The following FGF13 variants were observed in gnomAD, a reference collection of about 807,000 sequenced individuals.
FGF13 encodes fibroblast growth factor homologous factor 2.
FGF13 carries 2 observed loss-of-function variants against 19.5 expected under a neutral mutation model. The ratio of observed to expected loss-of-function variants is 0.10; its 90% confidence interval spans 0.04 to 0.32. The LOEUF (loss-of-function observed/expected upper bound fraction) is 0.32, where lower values mean the gene tolerates loss of function less well. Ranked by LOEUF, FGF13 falls within the 10% of genes least tolerant of loss-of-function variation. The pLI, the probability that FGF13 is intolerant of heterozygous loss-of-function variation, is 1.00. For missense variants in FGF13, 113 were observed against 192.7 expected (o/e 0.59, Z 2.45); for synonymous variants, 72 against 76.9 (o/e 0.94, Z 0.33).
At chrX:138,792,467 C>T (rs2090749478) in intron 3 of FGF13, among the ~76,000 whole-genome samples, 1 of 111,500 alleles carries the variant, frequency 9.0e-6, no homozygotes, top group East Asian at 2.8e-4. Context: ...CCAAAGTGAT[C>T]TCATTTCTAT....
chrX:138,904,242 T>C (rs1027780483), intron 1 of FGF13, among the ~76,000 whole-genome samples: 15 of 111,513 alleles, frequency 1.3e-4, no homozygotes, highest in Admixed American at 7.6e-4. Flanking sequence ...AAATAAGATT[T>C]CAAAGAAGCA....
At chrX:138,844,618 T>C (rs1046146013) in intron 3 of FGF13, among the ~76,000 whole-genome samples, 1 of 112,336 alleles carries the variant, frequency 8.9e-6, no homozygotes, top group Non-Finnish European at 1.9e-5. Context: ...TCAGCTCTAC[T>C]GATCCATTCC....
intron 1 of FGF13, among the ~76,000 whole-genome samples, chrX:139,119,479 C>T (rs762945325): frequency 5.4e-5 from 6 of 111,753 alleles, no homozygotes; most frequent in East Asian, 2.8e-4. Context: ...AGAGGCACAG[C>T]GAAGTGACAT....
intron 1 of FGF13, among the ~76,000 whole-genome samples, chrX:138,981,004 C>T (rs966870595): frequency 9.0e-5 from 10 of 110,965 alleles, no homozygotes; most frequent in African/African-American, 3.0e-4. Context: ...CAGTCCCTGC[C>T]CTCTACAAGC....
At chrX:138,874,155 A>AATATAT (rs746792067) in intron 1 of FGF13, among the ~76,000 whole-genome samples, 39 of 98,149 alleles carry the variant, frequency 4.0e-4, no homozygotes, top group African/African-American at 1.4e-3. Flanking sequence ...AAGTATAATA[A>AATATAT]ATATATATAT....
At chrX:138,945,139 T>C (rs1434343652) in intron 1 of FGF13, among the ~76,000 whole-genome samples, 1 of 110,801 alleles carries the variant, frequency 9.0e-6, no homozygotes, top group African/African-American at 3.3e-5. Context: ...AGGTAGATAC[T>C]ATAATTAGAA....
intron 1 of FGF13, among the ~76,000 whole-genome samples, chrX:139,086,627 AC>A (rs2083405377): frequency 8.9e-6 from 1 of 112,604 alleles, no homozygotes; most frequent in Non-Finnish European, 1.9e-5. Flanking sequence ...TCATTAACAC[AC>A]TACATGCTTA....
chrX:138,813,955 T>C (rs1368045306), intron 3 of FGF13, among the ~76,000 whole-genome samples: 3 of 110,935 alleles, frequency 2.7e-5, no homozygotes, highest in Non-Finnish European at 3.8e-5. Context: ...TGGAGAAAAT[T>C]TGTTCTTCTC....
intron 1 of FGF13, among the ~76,000 whole-genome samples, chrX:139,039,486 A>G (rs1369238281): frequency 1.8e-5 from 2 of 112,033 alleles, no homozygotes. Context: ...TCTTGGGAAC[A>G]ACAGCATGCT....
At chrX:139,188,973 A>T (rs2084302337) in intron 1 of FGF13, among the ~76,000 whole-genome samples, 1 of 110,710 alleles carries the variant, frequency 9.0e-6, no homozygotes, top group Admixed American at 9.7e-5. Flanking sequence ...ATAGTGGGGG[A>T]CACATATAAA....
intron 1 of FGF13, among the ~76,000 whole-genome samples, chrX:139,047,729 G>C (rs779893231): frequency 8.9e-6 from 1 of 111,827 alleles, no homozygotes; most frequent in Admixed American, 9.5e-5. Context: ...ACTTTTCATA[G>C]TACCTAGCAT....
At chrX:139,003,829 G>C (rs1269225312) in intron 1 of FGF13, among the ~76,000 whole-genome samples, 2 of 111,513 alleles carry the variant, frequency 1.8e-5, no homozygotes, top group African/African-American at 6.5e-5. Flanking sequence ...AGAGCAGCTA[G>C]ATACAGAATG....
In FGF13 at chrX:139,159,019, A is replaced by G. The variant is rs758486837; in HGVS notation, c.-113+44397T>C. Among the ~76,000 whole-genome samples, 41 of 111,649 alleles carry G rather than the reference A, an allele frequency of 3.7e-4. 1 individual carries two copies. The South Asian group carries it at 0.016, about 43-fold the overall frequency. ...CTCGAGAAGAGCAACCCCAAGACACATAATCATCAGATTCACTAAGGTTGA... is the reference window on the plus strand; with the variant it reads ...CTCGAGAAGAGCAACCCCAAGACACGTAATCATCAGATTCACTAAGGTTGA... On this transcript the variant is annotated intron_variant, in intron 1 of 2. Transcript: ENST00000421460.
intron 3 of FGF13, among the ~76,000 whole-genome samples, chrX:138,850,179 T>C: frequency 9.0e-6 from 1 of 111,723 alleles, no homozygotes; most frequent in Middle Eastern, 4.6e-3. Flanking sequence ...GCCTCCAGCC[T>C]AGAGACTGAA....
chrX:138,894,025 A>G (rs1051960721), intron 1 of FGF13, among the ~76,000 whole-genome samples: 60 of 112,049 alleles, frequency 5.4e-4, no homozygotes, highest in Admixed American at 3.8e-4. Context: ...CTACATAGAA[A>G]AGACATATTT....
chrX:138,712,104 C>G (rs1468863615), upstream of FGF13: 2 of 110,369 alleles, frequency 1.8e-5, no homozygotes, highest in Non-Finnish European at 3.8e-5. Flanking sequence ...GGCTTGGACG[C>G]ACCAACAACC....
chrX:138,680,340 A>C (rs1239208011), intron 3 of FGF13, among the ~76,000 whole-genome samples: 2 of 112,090 alleles, frequency 1.8e-5, no homozygotes, highest in Non-Finnish European at 3.8e-5. Context: ...TCAGGTTTTC[A>C]ATTTGCTTTG....
chrX:139,053,670 CA>C (rs1456764243), intron 1 of FGF13, among the ~76,000 whole-genome samples: 2 of 111,529 alleles, frequency 1.8e-5, no homozygotes, highest in African/African-American at 6.5e-5. Context: ...GTCCGATGTA[CA>C]GATTGTGAAG....
chrX:138,964,494 T>A (rs1313654990), intron 1 of FGF13, among the ~76,000 whole-genome samples: 1 of 111,907 alleles, frequency 8.9e-6, no homozygotes. Context: ...TATTTATCCT[T>A]TCTTCTTCCA....
Sources: allele counts gnomAD v4.1 joint callset (sites outside exome capture counted in the v4.1 genomes callset), GRCh38; gene constraint gnomAD v4.1.1; transcripts MANE v1.5; gene names NCBI Gene and HGNC (gene_info 2026-07-23, HGNC 2026-07-21).